Variants in CTNND2 observed in about 807,000 individuals in gnomAD.
The protein encoded by CTNND2 is catenin delta-2.
Under a neutral mutation model 144.4 loss-of-function variants are expected in CTNND2, and 22 were observed. The ratio of observed to expected loss-of-function variants is 0.15; its 90% CI spans 0.11 to 0.22. CTNND2 has a LOEUF of 0.22. Ranked by LOEUF, CTNND2 falls within the 10% of genes least tolerant of loss-of-function variation. The pLI, the probability that CTNND2 is intolerant of heterozygous loss-of-function variation, is 1.00. For missense variants in CTNND2, 1,353 were observed against 1,618.8 expected, an observed-to-expected ratio of 0.84 and a Z score of 2.82; for synonymous variants, 751 against 695.6, an observed-to-expected ratio of 1.08 and a Z score of -1.25.
At chr5:11,655,961 G>A (rs552062700) in intron 2 of CTNND2, among the ~76,000 whole-genome samples, 29 of 151,698 alleles carry the variant, frequency 1.9e-4, no homozygotes, top group African/African-American at 5.8e-4. Context: ...TTTCCATAAT[G>A]GTGTCATAAA....
chr5:11,094,394 T>C (rs544820712), intron 15 of CTNND2, among the ~76,000 whole-genome samples: 114 of 152,224 alleles, frequency 7.5e-4, no homozygotes, highest in African/African-American at 2.6e-3. Context: ...TCAGTTTTCC[T>C]AACTCCTCTG....
At chr5:11,732,559 A>G (rs868033025) in intron 1 of CTNND2, among the ~76,000 whole-genome samples, 1 of 152,214 alleles carries the variant, frequency 6.6e-6, no homozygotes, top group Non-Finnish European at 1.5e-5. Context: ...AAGGAAAAAG[A>G]AGGAGAGACT....
intron 3 of CTNND2, among the ~76,000 whole-genome samples, chr5:11,540,808 T>C (rs922768739): frequency 3.3e-5 from 5 of 152,178 alleles, no homozygotes; most frequent in Admixed American, 2.6e-4. Context: ...TTCCTACTGG[T>C]TTATATCCAC....
chr5:11,252,593 C>T (rs1327941691), intron 9 of CTNND2, among the ~76,000 whole-genome samples: 1 of 152,170 alleles, frequency 6.6e-6, no homozygotes, highest in African/African-American at 2.4e-5. Flanking sequence ...ATCACATTCC[C>T]ATCAGGGTGG....
intron 1 of CTNND2, among the ~76,000 whole-genome samples, chr5:11,823,788 T>C (rs1793450318): frequency 6.6e-6 from 1 of 152,116 alleles, no homozygotes; most frequent in South Asian, 2.1e-4. Context: ...TCCAGGGAAA[T>C]GCTTATAATA....
At chr5:11,834,146 C>CTAAAATAAAATAAAATAAAAAAAA (rs1249701339) in intron 1 of CTNND2, among the ~76,000 whole-genome samples, 2 of 152,012 alleles carry the variant, frequency 1.3e-5, no homozygotes, top group Non-Finnish European at 2.9e-5. Context: ...AAAATAAAAG[C>CTAAAATAAAATAAAATAAAAAAAA]ACACAGCCAA....
intron 11 of CTNND2, among the ~76,000 whole-genome samples, chr5:11,198,225 C>G (rs6878462): frequency 0.022 from 3,407 of 152,288 alleles, 56 homozygotes; most frequent in Non-Finnish European, 0.031. Flanking sequence ...TGACTCATGT[C>G]TCCCCACATT....
intron 16 of CTNND2, among the ~76,000 whole-genome samples, chr5:11,050,121 C>T (rs187242398): frequency 1.5e-4 from 23 of 152,244 alleles, no homozygotes; most frequent in African/African-American, 5.1e-4. Context: ...TAACTGGATG[C>T]TCTTTCTTCT....
intron 2 of CTNND2, among the ~76,000 whole-genome samples, chr5:11,639,559 A>G (rs1781886658): frequency 6.6e-6 from 1 of 152,220 alleles, no homozygotes; most frequent in Non-Finnish European, 1.5e-5. Flanking sequence ...CGATATTAAC[A>G]TTAGTTCCAC....
At chr5:11,772,243 A>C (rs1789990200) in intron 1 of CTNND2, among the ~76,000 whole-genome samples, 1 of 152,080 alleles carries the variant, frequency 6.6e-6, no homozygotes, top group Non-Finnish European at 1.5e-5. Flanking sequence ...TGATTATATA[A>C]ATACCCTTTG....
intron 1 of CTNND2, among the ~76,000 whole-genome samples, chr5:11,746,352 G>C (rs537227685): frequency 6.6e-6 from 1 of 151,882 alleles, no homozygotes; most frequent in African/African-American, 2.4e-5. Flanking sequence ...CTTCCTCTCT[G>C]AAGCCTTTTG....
At chr5:11,741,882 G>T (rs1353922729) in intron 1 of CTNND2, among the ~76,000 whole-genome samples, 1 of 150,658 alleles carries the variant, frequency 6.6e-6, no homozygotes, top group East Asian at 1.9e-4. Flanking sequence ...AAAAAGGAAT[G>T]AAATAATGTT....
chr5:11,610,204 C>T (rs958732540), intron 2 of CTNND2, among the ~76,000 whole-genome samples: 7 of 152,160 alleles, frequency 4.6e-5, no homozygotes, highest in Non-Finnish European at 1.0e-4. Flanking sequence ...CCAATTATAG[C>T]AGTGACCTTC....
chr5:11,047,138 C>T (rs1410551991), intron 16 of CTNND2, among the ~76,000 whole-genome samples: 1 of 152,194 alleles, frequency 6.6e-6, no homozygotes, highest in Non-Finnish European at 1.5e-5. Flanking sequence ...ATGCTTCTCT[C>T]AGAGAGATGA....
intron 2 of CTNND2, among the ~76,000 whole-genome samples, chr5:11,690,742 C>CAAAAAAAAA (rs58799389): frequency 5.2e-4 from 19 of 36,556 alleles, no homozygotes; most frequent in East Asian, 1.6e-3. Flanking sequence ...GACTCCGTCT[C>CAAAAAAAAA]AAAAAAAAAA....
intron 2 of CTNND2, among the ~76,000 whole-genome samples, chr5:11,679,551 A>G (rs1784334814): frequency 6.6e-6 from 1 of 152,220 alleles, no homozygotes; most frequent in African/African-American, 2.4e-5. Context: ...TCAGGTGTTA[A>G]TAACTTTCAC....
chr5:11,219,065 G>T (rs1008799882), intron 10 of CTNND2, among the ~76,000 whole-genome samples: 3 of 152,188 alleles, frequency 2.0e-5, no homozygotes, highest in Non-Finnish European at 4.4e-5. Flanking sequence ...TCTTTAGTAT[G>T]ATGGCCAGGT....
At chr5:11,472,797 C>A (rs573084070) in intron 3 of CTNND2, among the ~76,000 whole-genome samples, 13 of 152,000 alleles carry the variant, frequency 8.6e-5, no homozygotes, top group Admixed American at 4.6e-4. Context: ...TTAGACTGAC[C>A]AGCAATTATA....
intron 1 of CTNND2, among the ~76,000 whole-genome samples, chr5:11,864,954 G>T (rs1795685421): frequency 8.1e-6 from 1 of 124,062 alleles, no homozygotes; most frequent in African/African-American, 3.0e-5. Context: ...CAGTGCAATG[G>T]CACGATCTCA....
Sources: gnomAD v4.1 joint callset for allele counts (sites outside exome capture counted in the v4.1 genomes callset) on GRCh38, gnomAD v4.1.1 for gene constraint, MANE v1.5 for transcripts, NCBI Gene and HGNC (gene_info 2026-07-23, HGNC 2026-07-21) for gene names.